The following ZMAT4 variants were observed in gnomAD, a reference collection of about 807,000 sequenced individuals.
ZMAT4 encodes the protein zinc finger matrin-type protein 4.
In ZMAT4, 17 loss-of-function variants were observed where a neutral mutation model predicts 28.7. The ratio of observed to expected loss-of-function variants is 0.59; its 90% CI spans 0.41 to 0.89. ZMAT4 has a LOEUF of 0.89. Ranked by LOEUF, ZMAT4 falls within the 40% of genes least tolerant of loss-of-function variation. The pLI is 0.00. For missense variants in ZMAT4, 240 were observed against 283.8 expected, an observed-to-expected ratio of 0.85 and a Z score of 1.11; for synonymous variants, 117 against 109.2, an observed-to-expected ratio of 1.07 and a Z score of -0.44.
chr8:40,595,172 T>A (rs1193890414), intron 5 of ZMAT4, among the ~76,000 whole-genome samples: 1 of 152,210 alleles, frequency 6.6e-6, no homozygotes, highest in African/African-American at 2.4e-5. Flanking sequence ...TTCCTTTCTA[T>A]CAACAACCTC....
chr8:40,811,388 C>T (rs1586093748), intron 2 of ZMAT4, among the ~76,000 whole-genome samples: 1 of 152,138 alleles, frequency 6.6e-6, no homozygotes, highest in Non-Finnish European at 1.5e-5. Context: ...AGGCATCCTC[C>T]GGAACAGGCA....
intron 2 of ZMAT4, among the ~76,000 whole-genome samples, chr8:40,787,147 A>G (rs905590321): frequency 2.6e-5 from 4 of 152,220 alleles, no homozygotes; most frequent in African/African-American, 9.6e-5. Flanking sequence ...GCCATCCCAA[A>G]TTTACAGCAC....
At chr8:40,588,283 T>G (rs1327397584) in intron 5 of ZMAT4, among the ~76,000 whole-genome samples, 1 of 152,018 alleles carries the variant, frequency 6.6e-6, no homozygotes, top group East Asian at 1.9e-4. Flanking sequence ...AATTAGATTT[T>G]ATAAAAAGCA....
intron 1 of ZMAT4, among the ~76,000 whole-genome samples, chr8:40,841,540 C>A (rs531267101): frequency 3.2e-4 from 48 of 152,266 alleles, no homozygotes; most frequent in African/African-American, 1.1e-3. Context: ...AGTGCCCCCT[C>A]CCCAGGCTCC....
chr8:40,723,271 G>A (rs536342159), intron 3 of ZMAT4, among the ~76,000 whole-genome samples: 212 of 152,130 alleles, frequency 1.4e-3, no homozygotes, highest in Middle Eastern at 0.01. Flanking sequence ...GACTGGGCAC[G>A]GTGGCTCACG....
chr8:40,754,893 G>A (rs1332054775), intron 3 of ZMAT4, among the ~76,000 whole-genome samples: 1 of 152,154 alleles, frequency 6.6e-6, no homozygotes, highest in East Asian at 1.9e-4. Context: ...TTGCCGTGAT[G>A]CATGCCTGTG....
At chr8:40,836,757 T>C (rs1457908493) in intron 1 of ZMAT4, among the ~76,000 whole-genome samples, 4 of 152,162 alleles carry the variant, frequency 2.6e-5, no homozygotes, top group African/African-American at 9.7e-5. Flanking sequence ...GATGATTGCC[T>C]TAGGTTGGGG....
chr8:40,639,028 T>G (rs1350230777), intron 5 of ZMAT4, among the ~76,000 whole-genome samples: 2 of 152,214 alleles, frequency 1.3e-5, no homozygotes, highest in Admixed American at 1.3e-4. Context: ...GCTGGCGGAC[T>G]GCAGGATGCC....
intron 3 of ZMAT4, among the ~76,000 whole-genome samples, chr8:40,748,846 A>T (rs1812342627): frequency 1.3e-5 from 2 of 151,812 alleles, no homozygotes; most frequent in South Asian, 4.2e-4. Flanking sequence ...CTTACTCCCT[A>T]TCAGATATGG....
chr8:40,638,970 G>A (rs1157652222), intron 5 of ZMAT4, among the ~76,000 whole-genome samples: 1 of 152,218 alleles, frequency 6.6e-6, no homozygotes, highest in Non-Finnish European at 1.5e-5. Flanking sequence ...TATGGAATAA[G>A]TGTTCTTAGT....
At chr8:40,534,309 T>C (rs758672107) in intron 6 of ZMAT4, among the ~76,000 whole-genome samples, 2 of 152,194 alleles carry the variant, frequency 1.3e-5, no homozygotes, top group Admixed American at 6.5e-5. Flanking sequence ...TTAGTCAGCA[T>C]CCCATTTGAT....
intron 6 of ZMAT4, among the ~76,000 whole-genome samples, chr8:40,574,767 G>C (rs1332600429): frequency 1.3e-5 from 2 of 152,100 alleles, no homozygotes; most frequent in African/African-American, 4.8e-5. Context: ...GAAAAGATAG[G>C]CAGAAGTACC....
At chr8:40,665,591 G>T (rs1001269451) in intron 5 of ZMAT4, among the ~76,000 whole-genome samples, 1 of 152,200 alleles carries the variant, frequency 6.6e-6, no homozygotes, top group Non-Finnish European at 1.5e-5. Flanking sequence ...TACATAATGC[G>T]TGTTGCAAAT....
At chr8:40,861,166 T>A (rs1817475593) in intron 1 of ZMAT4, among the ~76,000 whole-genome samples, 1 of 152,250 alleles carries the variant, frequency 6.6e-6, no homozygotes, top group African/African-American at 2.4e-5. Flanking sequence ...CCTGTCTCTT[T>A]TGTTTAGCAG....
At chr8:40,842,752 A>G (rs919414593) in intron 1 of ZMAT4, among the ~76,000 whole-genome samples, 7 of 152,202 alleles carry the variant, frequency 4.6e-5, no homozygotes, top group Admixed American at 3.9e-4. Flanking sequence ...TCTTTAGTCA[A>G]CCAGAGTCCT....
intron 5 of ZMAT4, among the ~76,000 whole-genome samples, chr8:40,662,413 C>T (rs1808240505): frequency 6.6e-6 from 1 of 152,158 alleles, no homozygotes; most frequent in Non-Finnish European, 1.5e-5. Context: ...GTAGCTGACT[C>T]TAATGTTTAA....
intron 3 of ZMAT4, among the ~76,000 whole-genome samples, chr8:40,758,860 A>T (rs1812803180): frequency 1.3e-5 from 2 of 152,224 alleles, no homozygotes. Context: ...CGGAAAGGAC[A>T]CTAGACATTC....
intron 4 of ZMAT4, among the ~76,000 whole-genome samples, chr8:40,686,161 T>C (rs1213701829): frequency 6.6e-6 from 1 of 152,138 alleles, no homozygotes; most frequent in Non-Finnish European, 1.5e-5. Flanking sequence ...TATTTTGAAC[T>C]AATTTTACAG....
At chr8:40,881,481 AAGAAAGAAAG>A (rs1818238618) in intron 1 of ZMAT4, among the ~76,000 whole-genome samples, 1 of 144,526 alleles carries the variant, frequency 6.9e-6, no homozygotes, top group Non-Finnish European at 1.5e-5. Flanking sequence ...GAAAGAAAGA[AAGAAAGAAAG>A]AAAGAAAGAG....
Sources: allele counts gnomAD v4.1 joint callset (sites outside exome capture counted in the v4.1 genomes callset), GRCh38; gene constraint gnomAD v4.1.1; transcripts MANE v1.5; gene names NCBI Gene and HGNC (gene_info 2026-07-23, HGNC 2026-07-21).